ZNF420: variants seen among roughly 807,000 people sequenced by gnomAD.
The protein encoded by ZNF420 is zinc finger protein 420.
Under a neutral mutation model 44.7 loss-of-function variants are expected in ZNF420, and 31 were observed. The observed-to-expected ratio is 0.69, with a 90% CI of 0.52 to 0.94. The LOEUF is 0.94. ZNF420 is among the 40% of genes least tolerant of loss of function. The pLI is 0.00. For synonymous variants in ZNF420, 245 were observed against 267.4 expected (o/e 0.92, Z 0.82); for missense variants, 681 against 827.9 (o/e 0.82, Z 2.18).
chr19:37,009,216 C>T (rs1261327078), intron 1 of ZNF420, among the ~76,000 whole-genome samples: 1 of 151,886 alleles, frequency 6.6e-6, no homozygotes, highest in Admixed American at 6.6e-5. Flanking sequence ...GCCAAAGGGA[C>T]TGGGCTGGGG....
At chr19:37,081,005 C>T (rs113557475) in intron 2 of ZNF420, among the ~76,000 whole-genome samples, 1,644 of 145,178 alleles carry the variant, frequency 0.011, 32 homozygotes, top group African/African-American at 0.04. Flanking sequence ...TGCAGTGAGC[C>T]GAGATTGCGC....
At position 37,127,215 on chromosome 19, in the gene ZNF420, G is replaced by C; in HGVS notation, c.224G>C (p.Arg75Thr). 1 of 1,606,272 alleles carries C rather than the reference G, an allele frequency of 6.2e-7. No individual in the cohort carries two copies. The highest frequency in any genetic ancestry group is 8.5e-7 in the Non-Finnish European group (1 of 1,176,404). Residue 75 changes from arginine to threonine, a missense_variant, in exon 5 of 5, where the codon AGA becomes ACA. By Grantham distance (71) the Arg-to-Thr change is moderately conservative (BLOSUM62 -1). This residue lies in a region of ZNF420 where 350 missense variants were observed against 382.5 expected (regional missense o/e 0.92). Coordinates refer to ENST00000337995, the MANE Select transcript of ZNF420 (RefSeq NM_144689.5). The part of the protein sequence containing the change: ...TELSQWEMSD[R>T]LENCDLEESN... ...TTATCCCAATGGGAAATGAGTGACA[G>C]ACTTGAAAACTGTGATCTTGAAGAG...
At position 37,038,901 on chromosome 19, in the gene ZNF420, G is replaced by A. The variant is rs146509743; in HGVS notation, c.-125+30819G>A. Among the ~76,000 whole-genome samples the A allele has an allele frequency of 4.0e-3, 606 of 151,970 alleles. 5 individuals are homozygous for A. The highest frequency in any genetic ancestry group is 0.014 in the African/African-American group (577 of 41,430). On this transcript the variant is annotated intron_variant, in intron 1 of 4. Transcript: ENST00000587029. ...CTCGGGCGTCTGAGGCAGGAGAATC[G>A]CTTGAACCCAGGAGGCGGAGGTTGC...
chr19:37,093,258 T>G (rs992210357), intron 4 of ZNF420: 9 of 152,202 alleles, frequency 5.9e-5, no homozygotes, highest in Admixed American at 2.0e-4. Context: ...AGTCTTGCTC[T>G]GTCGCCCAGG....
At chr19:37,050,628 G>T (rs1967621476) in intron 1 of ZNF420, among the ~76,000 whole-genome samples, 1 of 152,188 alleles carries the variant, frequency 6.6e-6, no homozygotes, top group Admixed American at 6.5e-5. Context: ...AGACAATGGG[G>T]TTTTCTAGAT....
intron 1 of ZNF420, among the ~76,000 whole-genome samples, chr19:37,011,072 G>T (rs1034833257): frequency 1.3e-5 from 2 of 152,174 alleles, no homozygotes; most frequent in African/African-American, 4.8e-5. Context: ...GCTGTATCCT[G>T]CCTGGGCTCT....
chr19:37,009,838 GC>G (rs2074554762), intron 1 of ZNF420, among the ~76,000 whole-genome samples: 1 of 152,114 alleles, frequency 6.6e-6, no homozygotes, highest in African/African-American at 2.4e-5. Flanking sequence ...CCCAGCAGGC[GC>G]CCTGAACCTC....
chr19:37,100,974 C>G (rs1969739560), intron 4 of ZNF420, among the ~76,000 whole-genome samples: 1 of 146,880 alleles, frequency 6.8e-6, no homozygotes, highest in Admixed American at 6.8e-5. Flanking sequence ...AAACTCTTGC[C>G]TCTTTGGTTA....
chr19:37,115,485 A>C (rs896670854), intron 4 of ZNF420, among the ~76,000 whole-genome samples: 1 of 151,896 alleles, frequency 6.6e-6, no homozygotes, highest in Non-Finnish European at 1.5e-5. Context: ...TTGTGTCATA[A>C]ATAAGTTTAA....
At chr19:37,087,542 T>A (rs1968886965) in intron 2 of ZNF420, among the ~76,000 whole-genome samples, 2 of 152,200 alleles carry the variant, frequency 1.3e-5, no homozygotes, top group African/African-American at 4.8e-5. Flanking sequence ...CCTGTATCAA[T>A]GATTCTCTGC....
At chr19:37,101,472 G>A (rs1331085989) in intron 4 of ZNF420, among the ~76,000 whole-genome samples, 2 of 152,200 alleles carry the variant, frequency 1.3e-5, no homozygotes, top group Admixed American at 1.3e-4. Flanking sequence ...TCCAGCCTGG[G>A]CAGCAGAGCA....
chr19:37,014,969 G>A (rs2146373991), intron 1 of ZNF420, among the ~76,000 whole-genome samples: 1 of 152,354 alleles, frequency 6.6e-6, no homozygotes, highest in South Asian at 2.1e-4. Context: ...AGATAGTTTA[G>A]GGGTGAATCT....
intron 1 of ZNF420, among the ~76,000 whole-genome samples, chr19:37,067,920 T>C (rs899454006): frequency 1.3e-5 from 2 of 152,188 alleles, no homozygotes; most frequent in Admixed American, 6.5e-5. Flanking sequence ...GCCAATGACA[T>C]TGGCATACTT....
intron 4 of ZNF420, among the ~76,000 whole-genome samples, chr19:37,122,958 C>A (rs1971137784): frequency 6.6e-6 from 1 of 152,158 alleles, no homozygotes. Flanking sequence ...TAGTTCAAAA[C>A]CAGACTTTTC....
chr19:37,062,948 C>T (rs1204420435), intron 1 of ZNF420, among the ~76,000 whole-genome samples: 1 of 152,224 alleles, frequency 6.6e-6, no homozygotes, highest in South Asian at 2.1e-4. Context: ...AGAATAACTA[C>T]ACTGTTTGCA....
Position 37,127,184 on chromosome 19 carries a change from A to G in ZNF420, c.193A>G (p.Thr65Ala). 2.5e-6 allele frequency: 4 copies of G among 1,577,922 alleles called. No homozygotes were observed. The highest frequency in any genetic ancestry group is 3.4e-6 in the Non-Finnish European group (4 of 1,162,214). ...DLSPEKNTYE[T>A]ELSQWEMSDR... is the part of the protein sequence containing the mutation. ...ATCTCCAGAAAAGAACACTTATGAA[A>G]CAGAATTATCCCAATGGGAAATGAG... is the stretch of plus-strand genomic sequence containing the variant. The change falls in exon 5 of 5, where the codon ACA (threonine) becomes GCA (alanine). Residue 65 changes from threonine (T) to alanine (A), a missense_variant. Transcript: ENST00000337995.
intron 2 of ZNF420, among the ~76,000 whole-genome samples, chr19:37,086,759 T>C (rs1188927136): frequency 6.6e-6 from 1 of 152,238 alleles, no homozygotes; most frequent in Admixed American, 6.5e-5. Flanking sequence ...TTTTGTCTTA[T>C]ACTAATATAG....
intron 4 of ZNF420, among the ~76,000 whole-genome samples, chr19:37,102,925 A>G (rs1357684182): frequency 6.6e-6 from 1 of 152,132 alleles, no homozygotes; most frequent in Non-Finnish European, 1.5e-5. Context: ...ATATTTTCAA[A>G]TAATTTTGGT....
intron 4 of ZNF420, among the ~76,000 whole-genome samples, chr19:37,119,894 CACAT>C (rs564548780): frequency 0.019 from 2,924 of 152,200 alleles, 72 homozygotes; most frequent in East Asian, 0.05. Flanking sequence ...AATTCCTTGA[CACAT>C]ACACCCTCCC....
Sources: allele counts gnomAD v4.1 joint callset (sites outside exome capture counted in the v4.1 genomes callset), GRCh38; gene constraint gnomAD v4.1.1; regional missense constraint gnomAD v4.1.1; transcripts MANE v1.5; gene names NCBI Gene and HGNC (gene_info 2026-07-23, HGNC 2026-07-21).